PRDM1: variants seen among roughly 807,000 people sequenced by gnomAD.
PRDM1 encodes the protein PR/SET domain 1.
A neutral mutation model predicts 62.8 loss-of-function variants in PRDM1; 13 were observed. The ratio of observed to expected loss-of-function variants is 0.21; its 90% CI spans 0.13 to 0.33. PRDM1 has a LOEUF of 0.33. PRDM1 is among the 10% of genes least tolerant of loss of function. The pLI is 1.00. For missense variants in PRDM1, 895 were observed against 1,058.8 expected, an observed-to-expected ratio of 0.85 and a Z score of 2.15; for synonymous variants, 396 against 417.6, an observed-to-expected ratio of 0.95 and a Z score of 0.63.
chr6:106,044,950 T>C (rs1344748945), upstream of PRDM1, among the ~76,000 whole-genome samples: 2 of 152,168 alleles, frequency 1.3e-5, no homozygotes, highest in South Asian at 2.1e-4. Flanking sequence ...AAATGTAAGA[T>C]AACCCTTAAA....
intron 1 of PRDM1, among the ~76,000 whole-genome samples, chr6:106,019,025 T>C (rs1316975807): frequency 6.6e-6 from 1 of 151,992 alleles, no homozygotes; most frequent in Non-Finnish European, 1.5e-5. Flanking sequence ...ATCCCAGCAC[T>C]TAGACCGAGG....
intron 1 of PRDM1, among the ~76,000 whole-genome samples, chr6:106,040,753 C>G (rs1772984081): frequency 6.6e-6 from 1 of 152,256 alleles, no homozygotes; most frequent in South Asian, 2.1e-4. Flanking sequence ...GATGTGTATC[C>G]TTTATTACCT....
At chr6:106,073,364 C>T (rs770987387) in intron 1 of PRDM1, among the ~76,000 whole-genome samples, 1 of 152,144 alleles carries the variant, frequency 6.6e-6, no homozygotes, top group African/African-American at 2.4e-5. Flanking sequence ...ATCCACTCAC[C>T]TTGGCCTCCC....
intron 1 of PRDM1, among the ~76,000 whole-genome samples, chr6:106,019,528 G>A (rs776449018): frequency 5.9e-5 from 9 of 151,542 alleles, no homozygotes; most frequent in East Asian, 1.9e-4. Context: ...AAAATGAAAC[G>A]GGGTAGCTGG....
intron 4 of PRDM1, among the ~76,000 whole-genome samples, chr6:106,100,945 G>A (rs1338406753): frequency 2.6e-5 from 4 of 152,050 alleles, no homozygotes; most frequent in Non-Finnish European, 4.4e-5. Context: ...AGCGCTCCCC[G>A]AGACTCTGGA....
intron 1 of PRDM1, among the ~76,000 whole-genome samples, chr6:106,051,370 G>T (rs1773171464): frequency 6.6e-6 from 1 of 152,226 alleles, no homozygotes; most frequent in Admixed American, 6.5e-5. Context: ...GACCAAGGAG[G>T]CCTCTTCCCC....
chr6:106,096,228 A>G (rs1030560209), intron 3 of PRDM1: 1 of 156,288 alleles, frequency 6.4e-6, no homozygotes, highest in Non-Finnish European at 1.4e-5. Flanking sequence ...GGCTCACTGC[A>G]ACCTCCGCCT....
intron 2 of PRDM1, among the ~76,000 whole-genome samples, chr6:106,089,609 GTGAA>G (rs1300835363): frequency 3.3e-5 from 5 of 152,144 alleles, no homozygotes; most frequent in African/African-American, 9.7e-5. Context: ...CCACTGCTGC[GTGAA>G]TGGAGGCAGA....
intron 1 of PRDM1, among the ~76,000 whole-genome samples, chr6:106,043,133 G>A (rs1343208080): frequency 6.6e-6 from 1 of 152,154 alleles, no homozygotes; most frequent in African/African-American, 2.4e-5. Flanking sequence ...TTACAGGCAT[G>A]AGCCACCACA....
chr6:106,053,530 A>G (rs1484313822), intron 1 of PRDM1, among the ~76,000 whole-genome samples: 2 of 152,316 alleles, frequency 1.3e-5, no homozygotes, highest in African/African-American at 4.8e-5. Context: ...AATAGAATAC[A>G]TAAGTATTCT....
At chr6:106,090,935 C>T (rs1315268840) in intron 2 of PRDM1, among the ~76,000 whole-genome samples, 1 of 151,366 alleles carries the variant, frequency 6.6e-6, no homozygotes, top group Non-Finnish European at 1.5e-5. Context: ...TGATCTTGAC[C>T]CTCATTTTTA....
intron 1 of PRDM1, among the ~76,000 whole-genome samples, chr6:106,051,429 A>G (rs1179302262): frequency 6.6e-6 from 1 of 152,252 alleles, no homozygotes; most frequent in Non-Finnish European, 1.5e-5. Context: ...TGTCTCTTCA[A>G]ACAGGAAGGG....
chr6:106,082,547 T>C (rs1039467084), upstream of PRDM1, among the ~76,000 whole-genome samples: 7 of 152,230 alleles, frequency 4.6e-5, no homozygotes, highest in Admixed American at 6.5e-5. Flanking sequence ...AAGATATTAA[T>C]ACTTAGATGT....
At chr6:106,000,853 ATC>A (rs1772417023) in intron 1 of PRDM1, among the ~76,000 whole-genome samples, 1 of 152,240 alleles carries the variant, frequency 6.6e-6, no homozygotes, top group Non-Finnish European at 1.5e-5. Context: ...TCTCATACAT[ATC>A]TCCCTGTACA....
At chr6:106,006,098 G>C (rs1289417369) in intron 1 of PRDM1, among the ~76,000 whole-genome samples, 3 of 152,180 alleles carry the variant, frequency 2.0e-5, no homozygotes, top group African/African-American at 7.2e-5. Context: ...TTCTCACGAA[G>C]GTGTCCGATT....
chr6:106,044,354 T>C (rs1358458001), upstream of PRDM1, among the ~76,000 whole-genome samples: 2 of 152,232 alleles, frequency 1.3e-5, no homozygotes, highest in African/African-American at 4.8e-5. Flanking sequence ...AGGTAAATTT[T>C]GGCACTAGGT....
intron 2 of PRDM1, among the ~76,000 whole-genome samples, chr6:106,094,487 G>A (rs1277051669): frequency 6.6e-6 from 1 of 152,150 alleles, no homozygotes; most frequent in African/African-American, 2.4e-5. Context: ...AGGAGGAACT[G>A]GTATAGTTAA....
chr6:106,033,990 C>T (rs998545325), intron 1 of PRDM1, among the ~76,000 whole-genome samples: 14 of 151,880 alleles, frequency 9.2e-5, no homozygotes, highest in African/African-American at 2.9e-4. Context: ...GTAGGTTTTG[C>T]GTTTCTAGGA....
chr6:106,098,672 T>G, intron 3 of PRDM1: 1 of 1,355,208 alleles, frequency 7.4e-7, no homozygotes, highest in Non-Finnish European at 9.8e-7. Flanking sequence ...GTTCGCTTTG[T>G]TATGGCAGGT....
Sources: allele counts gnomAD v4.1 joint callset (sites outside exome capture counted in the v4.1 genomes callset), GRCh38; gene constraint gnomAD v4.1.1; transcripts MANE v1.5; gene names NCBI Gene and HGNC (gene_info 2026-07-23, HGNC 2026-07-21).